The following ABCA13 variants were observed in gnomAD, a reference collection of about 807,000 sequenced individuals.
ABCA13 encodes the protein ATP binding cassette subfamily A member 13.
In ABCA13, 476 loss-of-function variants were observed where a neutral mutation model predicts 478.7. The observed-to-expected ratio is 0.99, with a 90% CI of 0.92 to 1.07. The LOEUF (loss-of-function observed/expected upper bound fraction) is 1.07. ABCA13 is among the 50% of genes least tolerant of loss of function. The probability of loss-of-function intolerance (pLI) is 0.00; values close to 1 mark genes in which losing one functional copy is unlikely to be tolerated. For missense variants in ABCA13, 6,060 were observed against 5,910.6 expected (o/e 1.03, Z -0.83); for synonymous variants, 2,252 against 2,158.9 (o/e 1.04, Z -1.20).
intron 41 of ABCA13, among the ~76,000 whole-genome samples, chr7:48,415,009 T>C (rs1259066086): frequency 6.6e-6 from 1 of 152,180 alleles, no homozygotes; most frequent in African/African-American, 2.4e-5. Context: ...CAGTCTTCCC[T>C]GGGCCAATGT....
chr7:48,263,021 G>T (rs769087598), intron 15 of ABCA13, among the ~76,000 whole-genome samples: 5 of 151,894 alleles, frequency 3.3e-5, no homozygotes, highest in South Asian at 2.1e-4. Context: ...AATAGACTGT[G>T]TGTTCTCTTT....
chr7:48,283,257 A>G (rs1487776501), intron 19 of ABCA13, among the ~76,000 whole-genome samples: 1 of 152,190 alleles, frequency 6.6e-6, no homozygotes, highest in African/African-American at 2.4e-5. Context: ...AGTATGGACC[A>G]GCATCTACTG....
chr7:48,642,743 G>A (rs922122228), intron 59 of ABCA13, among the ~76,000 whole-genome samples: 3 of 152,128 alleles, frequency 2.0e-5, no homozygotes, highest in African/African-American at 7.2e-5. Flanking sequence ...TACAATGTGA[G>A]GAACAGAGCC....
At chr7:48,463,448 G>T (rs919848022) in intron 43 of ABCA13, among the ~76,000 whole-genome samples, 4 of 152,046 alleles carry the variant, frequency 2.6e-5, no homozygotes, top group Non-Finnish European at 5.9e-5. Context: ...CTTGACTATT[G>T]GGGTCCAGCG....
At chr7:48,549,954 G>T (rs537188215) in intron 55 of ABCA13, among the ~76,000 whole-genome samples, 1 of 151,878 alleles carries the variant, frequency 6.6e-6, no homozygotes, top group South Asian at 2.1e-4. Flanking sequence ...TGAAAATTCT[G>T]GATATTAGAC....
chr7:48,381,409 C>T (rs79398872), intron 35 of ABCA13, among the ~76,000 whole-genome samples: 5,643 of 151,934 alleles, frequency 0.037, 160 homozygotes, highest in East Asian at 0.14. Flanking sequence ...ACACCCCATA[C>T]CTCAGACAAA....
Position 48,234,133 on chromosome 7 carries a change from T to C in ABCA13, c.879T>C (p.Ser293=). ...TTCACACGGAACAGATCCTGAACTC[T>C]TCAGCTGAACTGAAGGAGGTACACA... ...DDLHTEQILN[S]SAELKEIPTD... The change falls in exon 8 of 62, where the codon TCT becomes TCC. Residue 293 remains serine (S), a synonymous_variant. Coordinates refer to ENST00000435803, the MANE Select transcript of ABCA13 (RefSeq NM_152701.5). 6.2e-7 allele frequency: 1 copy of C among 1,613,968 alleles called. No individual in the cohort carries two copies. Among genetic ancestry groups the C allele is most frequent in the Non-Finnish European group, 8.5e-7 (1 of 1,179,866 alleles).
At chr7:48,547,731 A>T (rs1430474788) in intron 55 of ABCA13, among the ~76,000 whole-genome samples, 1 of 151,908 alleles carries the variant, frequency 6.6e-6, no homozygotes, top group Admixed American at 6.6e-5. Context: ...TACAGTATTT[A>T]CTAAATTACT....
At chr7:48,509,624 G>A (rs1456566097) in intron 50 of ABCA13, among the ~76,000 whole-genome samples, 1 of 152,060 alleles carries the variant, frequency 6.6e-6, no homozygotes, top group East Asian at 1.9e-4. Flanking sequence ...CTTCTTGCTT[G>A]GATGGTTTTC....
At chr7:48,551,240 C>T (rs986944478) in intron 55 of ABCA13, among the ~76,000 whole-genome samples, 1 of 150,410 alleles carries the variant, frequency 6.6e-6, no homozygotes, top group African/African-American at 2.5e-5. Flanking sequence ...AATGAAAACC[C>T]TTGGTATATG....
intron 41 of ABCA13, among the ~76,000 whole-genome samples, chr7:48,414,052 T>A (rs1819623878): frequency 6.6e-6 from 1 of 152,204 alleles, no homozygotes; most frequent in African/African-American, 2.4e-5. Context: ...TCCCACTGCG[T>A]TTTAATAGAG....
chr7:48,252,546 T>C (rs1562885145), intron 15 of ABCA13, among the ~76,000 whole-genome samples: 3 of 152,150 alleles, frequency 2.0e-5, no homozygotes, highest in Non-Finnish European at 4.4e-5. Context: ...TGTAACATGA[T>C]AGTAAGTATT....
At position 48,244,718 on chromosome 7, in the gene ABCA13, G is replaced by T. The variant is rs1242206530; in HGVS notation, c.1390+15G>T. The T allele has an allele frequency of 7.6e-6, 12 of 1,579,558 alleles. No homozygotes were observed. The highest frequency in any genetic ancestry group is 1.0e-5 in the Non-Finnish European group (12 of 1,160,668). On this transcript the variant is annotated intron_variant, in intron 11 of 61. Transcript: ENST00000435803. ...TTTTGTCCAAGGTAAGCTAGCTTTG[G>T]TGTTATTTGTCCCTGACTCACTAAG...
In ABCA13 at chr7:48,438,394, G is replaced by A. The variant is rs141045774; in HGVS notation, c.12565+10523G>A. Among the ~76,000 whole-genome samples the A allele has an allele frequency of 6.6e-3, 998 of 152,146 alleles. 4 individuals carry two copies. The highest frequency in any genetic ancestry group is 9.8e-3 in the Non-Finnish European group (665 of 67,976). On this transcript the variant is annotated intron_variant, in intron 42 of 61. Transcript: ENST00000435803. Reference sequence around the variant, plus strand: ...CTTGTAAAGTTGTTTTAGTCAGTCTGTAGTTGTTTATTTAGTGTTTCCATA... The same window carrying A: ...CTTGTAAAGTTGTTTTAGTCAGTCTATAGTTGTTTATTTAGTGTTTCCATA...
intron 41 of ABCA13, among the ~76,000 whole-genome samples, chr7:48,418,977 T>C (rs1041244107): frequency 6.6e-6 from 1 of 152,232 alleles, no homozygotes; most frequent in Non-Finnish European, 1.5e-5. Flanking sequence ...TAGCAGCATC[T>C]GCTTCTGGGG....
Position 48,467,047 on chromosome 7 carries a change from T to G in ABCA13, c.12905+2T>G, listed in dbSNP as rs1292542775. ...CTGTGCAGATTTAAACCCACGCCAG[T>G]AAGTGTCAGGTGCTCTCTGCAAAAG... On this transcript the variant is annotated splice_donor_variant, in intron 44 of 61. Coordinates refer to ENST00000435803, the MANE Select transcript of ABCA13 (RefSeq NM_152701.5). LOFTEE classifies it high-confidence loss of function. 6.2e-7 allele frequency: 1 copy of G among 1,613,776 alleles called. No individual in the cohort carries two copies. Among genetic ancestry groups the G allele is most frequent in the Non-Finnish European group, 8.5e-7 (1 of 1,179,792 alleles).
Position 48,392,029 on chromosome 7 carries a change from G to T in ABCA13, c.11763G>T (p.Pro3921=), listed in dbSNP as rs372260479. The T allele has an allele frequency of 6.2e-7, 1 of 1,613,828 alleles. No homozygotes were observed. The highest frequency in any genetic ancestry group is 1.3e-5 in the African/African-American group (1 of 74,902). ...SRVRMELGVC[P]QQDILLDNLT... ...TCAGAATGGAGCTTGGTGTGTGTCC[G>T]CAGCAGGACATCCTGTTGGACAACC... The change falls in exon 38 of 62, where the codon CCG becomes CCT. Residue 3921 remains proline (P), a synonymous_variant. Transcript: ENST00000435803.
At chr7:48,186,912 C>G (rs954780980) in intron 1 of ABCA13, among the ~76,000 whole-genome samples, 2 of 151,584 alleles carry the variant, frequency 1.3e-5, no homozygotes, top group East Asian at 1.9e-4. Context: ...AATTCATTGC[C>G]AAGCCTTTTC....
chr7:48,457,608 A>G (rs1442968246), intron 43 of ABCA13, among the ~76,000 whole-genome samples: 1 of 152,248 alleles, frequency 6.6e-6, no homozygotes, highest in Non-Finnish European at 1.5e-5. Flanking sequence ...TCTAAGAGTT[A>G]CTATTTTAAA....
Sources: allele counts gnomAD v4.1 joint callset (sites outside exome capture counted in the v4.1 genomes callset), GRCh38; gene constraint gnomAD v4.1.1; transcripts MANE v1.5; gene names NCBI Gene and HGNC (gene_info 2026-07-23, HGNC 2026-07-21).